Variants in LINGO1 observed in about 807,000 individuals in gnomAD.
LINGO1 encodes leucine-rich repeat and immunoglobulin-like domain-containing nogo receptor-interacting protein 1.
In LINGO1, 11 loss-of-function variants were observed where a neutral mutation model predicts 37.3. The observed-to-expected ratio is 0.29, with a 90% CI of 0.19 to 0.49. The LOEUF is 0.49. Among genes scored for constraint, LINGO1 ranks in the 20% least tolerant of loss-of-function variants. The pLI is 0.99. For missense variants in LINGO1, 585 were observed against 878.2 expected, an observed-to-expected ratio of 0.67 and a Z score of 4.22; for synonymous variants, 387 against 403.0, an observed-to-expected ratio of 0.96 and a Z score of 0.48.
intron 1 of LINGO1, among the ~76,000 whole-genome samples, chr15:77,774,477 A>G (rs1246470013): frequency 6.6e-6 from 1 of 151,822 alleles, no homozygotes; most frequent in Non-Finnish European, 1.5e-5. Context: ...GCCCTCTCCA[A>G]CCCCGCCGGG....
intron 1 of LINGO1, among the ~76,000 whole-genome samples, chr15:77,774,438 C>T (rs567937210): frequency 4.6e-5 from 7 of 152,252 alleles, no homozygotes; most frequent in Admixed American, 2.0e-4. Context: ...AGCCCCCAGA[C>T]ACCACAAGCA....
intron 2 of LINGO1, among the ~76,000 whole-genome samples, chr15:77,711,427 C>T (rs930893006): frequency 1.4e-4 from 22 of 152,196 alleles, no homozygotes; most frequent in Non-Finnish European, 7.3e-5. Flanking sequence ...AGAGAAGACA[C>T]CTTCCTGCCC....
intron 1 of LINGO1, among the ~76,000 whole-genome samples, chr15:77,805,777 T>TA (rs1345131276): frequency 1.3e-5 from 2 of 152,002 alleles, no homozygotes; most frequent in African/African-American, 2.4e-5. Context: ...ACAAGAAGCT[T>TA]AAAAATGGGA....
chr15:77,632,284 GGCTCGGCC>G lies in LINGO1; in HGVS notation c.6+18_6+25del, dbSNP rs2141079698. ...ACTCGCCGCGGGGCTGCCCGCTCGG[GGCTCGGCC>G]GCGGCCGCCTGGCTCACCTGCATCT... On this transcript the variant is annotated intron_variant, in intron 1 of 1. Transcript: ENST00000355300. This position sits in a 1 kb window ranked among gnomAD's most constrained non-coding sequence, Gnocchi z 6.0. 7.0e-7 allele frequency: 1 copy of G among 1,419,796 alleles called. No homozygotes were observed. The highest frequency in any genetic ancestry group is 1.5e-5 in the African/African-American group (1 of 67,188). 87.9% of individuals were successfully genotyped at this position (1,419,796 alleles called of 1,614,324 possible). A position where few individuals can be genotyped will look rare whatever the true frequency, so the allele number is the denominator to read the frequency against.
chr15:77,646,874 C>T (rs1192390972), intron 3 of LINGO1, among the ~76,000 whole-genome samples: 1 of 152,164 alleles, frequency 6.6e-6, no homozygotes, highest in Non-Finnish European at 1.5e-5. Flanking sequence ...CAGCAGACAC[C>T]AGGGCCGGCC....
chr15:77,678,126 A>G (rs2075358013), intron 2 of LINGO1, among the ~76,000 whole-genome samples: 1 of 152,162 alleles, frequency 6.6e-6, no homozygotes, highest in African/African-American at 2.4e-5. Flanking sequence ...CTGACTTGTT[A>G]TTTGGTTTTC....
At chr15:77,683,799 T>G (rs1457553939) in intron 2 of LINGO1, among the ~76,000 whole-genome samples, 2 of 150,790 alleles carry the variant, frequency 1.3e-5, no homozygotes, top group East Asian at 3.9e-4. Context: ...ATTGTTTCCG[T>G]TTTTTAATTT....
chr15:77,722,308 C>A (rs1276132651), intron 2 of LINGO1, among the ~76,000 whole-genome samples: 1 of 152,214 alleles, frequency 6.6e-6, no homozygotes, highest in Non-Finnish European at 1.5e-5. Context: ...GGCCCAGGAA[C>A]TAGACTGTCC....
intron 1 of LINGO1, among the ~76,000 whole-genome samples, chr15:77,763,146 G>A (rs142736557): frequency 3.3e-5 from 5 of 152,302 alleles, no homozygotes; most frequent in African/African-American, 1.2e-4. Flanking sequence ...CGTTTCTGTG[G>A]GATCGGCGGG....
At chr15:77,794,728 C>T (rs1348765325) in intron 2 of LINGO1, among the ~76,000 whole-genome samples, 18 of 151,552 alleles carry the variant, frequency 1.2e-4, no homozygotes, top group Non-Finnish European at 2.5e-4. Context: ...GCTGGGACTA[C>T]AGGCGCCCGC....
intron 1 of LINGO1, among the ~76,000 whole-genome samples, chr15:77,798,933 A>AAAGCAG (rs146021672): frequency 0.19 from 29,004 of 152,064 alleles, 3,059 homozygotes; most frequent in Admixed American, 0.32. Context: ...CACTGATCAG[A>AAAGCAG]AAGCAGGGCC....
chr15:77,807,939 C>A (rs114321455), intron 1 of LINGO1, among the ~76,000 whole-genome samples: 3,250 of 152,154 alleles, frequency 0.021, 121 homozygotes, highest in African/African-American at 0.073. Context: ...GAGGGAGGGG[C>A]CTGGAAGGGG....
intron 2 of LINGO1, among the ~76,000 whole-genome samples, chr15:77,716,054 C>T (rs1367013760): frequency 6.6e-6 from 1 of 152,220 alleles, no homozygotes; most frequent in Non-Finnish European, 1.5e-5. Context: ...AGGCGACCAG[C>T]TCATTCAACC....
intron 3 of LINGO1, among the ~76,000 whole-genome samples, chr15:77,659,719 G>T (rs932020): frequency 1 from 152,207 of 152,254 alleles, 76,080 homozygotes; most frequent in Middle Eastern, 1. Context: ...ATTACCATGG[G>T]GGGCTGGATG....
At chr15:77,768,102 G>A (rs558746130) in intron 1 of LINGO1, among the ~76,000 whole-genome samples, 8 of 152,224 alleles carry the variant, frequency 5.3e-5, no homozygotes, top group South Asian at 2.1e-4. Context: ...GGGCCACCCC[G>A]GGCTCCTAAA....
chr15:77,642,259 T>A (rs1343037785), intron 3 of LINGO1, among the ~76,000 whole-genome samples: 1 of 152,168 alleles, frequency 6.6e-6, no homozygotes, highest in Admixed American at 6.5e-5. Flanking sequence ...GGTGTCCAGT[T>A]GCCAGGGCTT....
intron 1 of LINGO1, among the ~76,000 whole-genome samples, chr15:77,810,690 G>A (rs777688972): frequency 1.3e-5 from 2 of 152,314 alleles, no homozygotes; most frequent in East Asian, 1.9e-4. Context: ...CTCTAAGTAC[G>A]CCTTCTAGTT....
intron 1 of LINGO1, among the ~76,000 whole-genome samples, chr15:77,622,899 G>T (rs914830859): frequency 6.6e-6 from 1 of 152,194 alleles, no homozygotes; most frequent in African/African-American, 2.4e-5. Context: ...GCCTCTGGCG[G>T]GTCCCCTCTG....
At chr15:77,809,859 G>A (rs1005980349) in intron 1 of LINGO1, among the ~76,000 whole-genome samples, 17 of 152,164 alleles carry the variant, frequency 1.1e-4, no homozygotes, top group Non-Finnish European at 1.6e-4. Flanking sequence ...CCACTCGTCC[G>A]AGGTGAGGTG....
Sources: allele counts gnomAD v4.1 joint callset (sites outside exome capture counted in the v4.1 genomes callset), GRCh38; gene constraint gnomAD v4.1.1; non-coding constraint Gnocchi (gnomAD v3.1); transcripts MANE v1.5; gene names NCBI Gene and HGNC (gene_info 2026-07-23, HGNC 2026-07-21).